Variants in RPTOR observed in about 807,000 individuals in gnomAD.
RPTOR encodes the protein regulatory-associated protein of mTOR.
In RPTOR, 21 loss-of-function variants were observed where a neutral mutation model predicts 169.9. The ratio of observed to expected loss-of-function variants is 0.12; its 90% confidence interval spans 0.09 to 0.18. RPTOR has a LOEUF of 0.18. Among genes scored for constraint, RPTOR ranks in the 10% least tolerant of loss-of-function variants. The probability of loss-of-function intolerance (pLI) is 1.00; values close to 1 mark genes in which losing one functional copy is unlikely to be tolerated. For synonymous variants in RPTOR, 732 were observed against 753.2 expected, an observed-to-expected ratio of 0.97 and a Z score of 0.46; for missense variants, 1,133 against 1,855.9, an observed-to-expected ratio of 0.61 and a Z score of 7.16.
chr17:80,963,442 G>A (rs1329658188), intron 33 of RPTOR, among the ~76,000 whole-genome samples: 12 of 54,250 alleles, frequency 2.2e-4, no homozygotes, highest in East Asian at 5.6e-4. Context: ...CCCTCACCCC[G>A]TCCCCTCTGC....
At chr17:80,616,862 G>T (rs534050789) in intron 1 of RPTOR, among the ~76,000 whole-genome samples, 16 of 152,190 alleles carry the variant, frequency 1.1e-4, no homozygotes, top group Admixed American at 3.9e-4. Context: ...AGTGAAACAC[G>T]ACTCGATCTC....
At position 80,659,323 on chromosome 17, in the gene RPTOR, A is replaced by G. The variant is rs1471765737; in HGVS notation, c.348+15513A>G. Among the ~76,000 whole-genome samples, 1 of 152,046 alleles carries G rather than the reference A, an allele frequency of 6.6e-6. No individual in the cohort carries two copies. Among genetic ancestry groups the G allele is most frequent in the Non-Finnish European group, 1.5e-5 (1 of 67,982 alleles). The stretch of plus-strand genomic sequence containing the variant: ...AAGAAGGGTTAGGAATACCTTAGCC[A>G]GTTTCTGTGGCTGCTTTTTTTCTTT... On this transcript the variant is annotated intron_variant, in intron 3 of 33. Transcript: ENST00000306801. This position sits in a 1 kb window ranked among gnomAD's most constrained non-coding sequence, Gnocchi z 4.3.
intron 2 of RPTOR, among the ~76,000 whole-genome samples, chr17:80,640,049 T>C (rs904388470): frequency 6.6e-6 from 1 of 152,216 alleles, no homozygotes; most frequent in Admixed American, 6.5e-5. Context: ...AGAGGGGTTA[T>C]GCTGAAAATC....
intron 3 of RPTOR, among the ~76,000 whole-genome samples, chr17:80,647,326 C>T (rs1438000441): frequency 6.6e-6 from 1 of 152,150 alleles, no homozygotes; most frequent in Non-Finnish European, 1.5e-5. Flanking sequence ...TCACTCATTC[C>T]ATCATAAGTC....
intron 1 of RPTOR, among the ~76,000 whole-genome samples, chr17:80,623,570 C>G (rs1384791941): frequency 6.6e-6 from 1 of 152,018 alleles, no homozygotes; most frequent in Admixed American, 6.6e-5. Flanking sequence ...GAGTCTTGCT[C>G]TATTGCCCAG....
intron 11 of RPTOR, among the ~76,000 whole-genome samples, chr17:80,850,662 C>G (rs1258945442): frequency 6.6e-6 from 1 of 152,222 alleles, no homozygotes; most frequent in East Asian, 1.9e-4. Flanking sequence ...TCTATTTGCT[C>G]TCTCTCCGTG....
intron 3 of RPTOR, among the ~76,000 whole-genome samples, chr17:80,670,656 C>A (rs149089969): frequency 4.6e-5 from 7 of 152,236 alleles, no homozygotes; most frequent in Admixed American, 3.3e-4. Flanking sequence ...CTACAGCTCC[C>A]GGCCAGGTGG....
At chr17:80,589,756 C>T (rs571455426) in intron 1 of RPTOR, among the ~76,000 whole-genome samples, 1 of 151,864 alleles carries the variant, frequency 6.6e-6, no homozygotes, top group South Asian at 2.1e-4. Context: ...TGTTTTTTTT[C>T]AATCGACTGA....
chr17:80,950,352 T>C (rs1050036000), intron 28 of RPTOR, among the ~76,000 whole-genome samples: 1 of 152,194 alleles, frequency 6.6e-6, no homozygotes, highest in Admixed American at 6.5e-5. Flanking sequence ...TGGTCAGCCT[T>C]CCGTGTGGGG....
chr17:80,905,598 A>T (rs1598392723), intron 20 of RPTOR, among the ~76,000 whole-genome samples: 1 of 151,096 alleles, frequency 6.6e-6, no homozygotes, highest in East Asian at 1.9e-4. Flanking sequence ...TCTGTCTCAA[A>T]AAAAAAAAAA....
rs2069384921 is a variant in RPTOR at position 80,963,826 on chromosome 17, A to AGTCCTCACCCTGTCCCCTGTGCGGCCG, written c.3940-434_3940-408dup. 3.3e-5 allele frequency among the ~76,000 whole-genome samples: 4 copies of AGTCCTCACCCTGTCCCCTGTGCGGCCG among 122,240 alleles called. No individual in the cohort carries two copies. The South Asian group carries it at 1.1e-3, about 35-fold the overall frequency. The allele number at this position is 122,240 out of a possible 152,430, so 80.2% of individuals were successfully genotyped here. ...CCTCACCCCGTCCGCTGTGCGGCCG[A>AGTCCTCACCCTGTCCCCTGTGCGGCCG]GTCCTCACCCTGTCCCCTGTGCGGC... On this transcript the variant is annotated intron_variant, in intron 33 of 33. Coordinates refer to ENST00000306801, the MANE Select transcript of RPTOR (RefSeq NM_020761.3).
intron 23 of RPTOR, chr17:80,923,926 G>A (rs1236083292): frequency 3.9e-6 from 2 of 509,474 alleles, no homozygotes; most frequent in Non-Finnish European, 6.8e-6. Flanking sequence ...CTCTTTAGGA[G>A]CACTGCTGGG....
intron 20 of RPTOR, among the ~76,000 whole-genome samples, chr17:80,905,429 C>CAAA (rs535677825): frequency 8.5e-6 from 1 of 117,712 alleles, no homozygotes. Flanking sequence ...ACTAAAAATA[C>CAAA]AAAAAAAAAA....
intron 3 of RPTOR, among the ~76,000 whole-genome samples, chr17:80,677,720 G>A (rs1334461533): frequency 1.3e-5 from 2 of 152,140 alleles, no homozygotes; most frequent in East Asian, 3.8e-4. Context: ...ATTTTCTTTG[G>A]AAACTGTTCC....
intron 6 of RPTOR, among the ~76,000 whole-genome samples, chr17:80,791,008 A>G (rs2067042217): frequency 6.6e-6 from 1 of 152,094 alleles, no homozygotes; most frequent in Admixed American, 6.5e-5. Flanking sequence ...ATGATTATGA[A>G]CATGATATAA....
intron 3 of RPTOR, among the ~76,000 whole-genome samples, chr17:80,705,536 T>C (rs2066136144): frequency 6.6e-6 from 1 of 152,224 alleles, no homozygotes; most frequent in Non-Finnish European, 1.5e-5. Flanking sequence ...GGTTTTATGT[T>C]GTCATAAATT....
At chr17:80,884,427 C>T (rs1218873813) in intron 16 of RPTOR, among the ~76,000 whole-genome samples, 2 of 152,208 alleles carry the variant, frequency 1.3e-5, no homozygotes, top group African/African-American at 4.8e-5. Flanking sequence ...ATTGCCTTCA[C>T]TCTTCCCACC....
At chr17:80,837,191 G>A (rs1286363069) in intron 9 of RPTOR, among the ~76,000 whole-genome samples, 1 of 152,148 alleles carries the variant, frequency 6.6e-6, no homozygotes, top group Non-Finnish European at 1.5e-5. Context: ...GTCTCGACAG[G>A]GGAAGCACAT....
intron 9 of RPTOR, among the ~76,000 whole-genome samples, chr17:80,835,192 T>C (rs2067550336): frequency 6.6e-6 from 1 of 152,238 alleles, no homozygotes; most frequent in African/African-American, 2.4e-5. Flanking sequence ...AAAATTGAAA[T>C]ATATTTCATA....
Sources: allele counts gnomAD v4.1 joint callset (sites outside exome capture counted in the v4.1 genomes callset), GRCh38; gene constraint gnomAD v4.1.1; non-coding constraint Gnocchi (gnomAD v3.1); transcripts MANE v1.5; gene names NCBI Gene and HGNC (gene_info 2026-07-23, HGNC 2026-07-21).